LCK: variants seen among roughly 807,000 people sequenced by gnomAD.
LCK encodes LCK proto-oncogene, Src family tyrosine kinase.
Under a neutral mutation model 64.6 loss-of-function variants are expected in LCK, and 14 were observed. The observed-to-expected ratio is 0.22, with a 90% CI of 0.14 to 0.34. LCK has a LOEUF of 0.34. LCK is among the 10% of genes least tolerant of loss of function. The pLI is 1.00. For synonymous variants in LCK, 277 were observed against 263.6 expected, an observed-to-expected ratio of 1.05 and a Z score of -0.49; for missense variants, 434 against 668.1, an observed-to-expected ratio of 0.65 and a Z score of 3.86.
intron 1 of LCK, among the ~76,000 whole-genome samples, chr1:32,271,001 C>CT (rs34162389): frequency 0.065 from 8,021 of 123,334 alleles, 763 homozygotes; most frequent in African/African-American, 0.2. Flanking sequence ...CGCGCCTGGC[C>CT]TTTTTTTTTT....
chr1:32,263,290 G>A (rs1438720959), intron 1 of LCK, among the ~76,000 whole-genome samples: 2 of 151,912 alleles, frequency 1.3e-5, no homozygotes, highest in Non-Finnish European at 2.9e-5. Context: ...TACTTGGGAG[G>A]CTCAAACAGG....
rs1477683057 is a variant in LCK at position 32,274,356 on chromosome 1, G to A, written c.27G>A (p.Pro9=). The part of the protein sequence containing the change: MGCGCSSH[P]EDDWMENIDV... ...TGGGCTGTGGCTGCAGCTCACACCC[G>A]GAAGATGACTGGATGGAAAACATCG... Residue 9 remains proline, a synonymous_variant, in exon 2 of 13, where the codon CCG becomes CCA. Transcript: ENST00000336890. The A allele has an allele frequency of 6.2e-7, 1 of 1,614,118 alleles. No homozygotes were observed. The highest frequency in any genetic ancestry group is 8.5e-7 in the Non-Finnish European group (1 of 1,179,988).
intron 1 of LCK, among the ~76,000 whole-genome samples, chr1:32,255,803 T>A (rs963097252): frequency 1.9e-4 from 28 of 147,560 alleles, no homozygotes; most frequent in South Asian, 1.3e-3. Context: ...TAAATTTATT[T>A]TTTTTTTTTT....
chr1:32,281,167 AG>A (rs1295978963), intron 12 of LCK, among the ~76,000 whole-genome samples: 1 of 151,434 alleles, frequency 6.6e-6, no homozygotes, highest in African/African-American at 2.4e-5. Context: ...TGAGCCAGGG[AG>A]GCAGAGGTTG....
Position 32,251,800 on chromosome 1 carries a change from C to A in LCK, c.-6+429C>A, listed in dbSNP as rs539605223. On this transcript the variant is annotated intron_variant, in intron 1 of 12. Transcript: ENST00000336890. The surrounding 1 kb of genome is among the most constrained non-coding windows in gnomAD (Gnocchi z 4.0). ...GTGATGGCTGAGGCTGTGGCCACCC[C>A]GCCTGGAGCAGGGTGATGGACAGGC... 6.6e-6 allele frequency among the ~76,000 whole-genome samples: 1 copy of A among 152,046 alleles called. No individual in the cohort carries two copies. Among genetic ancestry groups the A allele is most frequent in the African/African-American group, 2.4e-5 (1 of 41,384 alleles).
chr1:32,266,501 CAAA>C (rs1270322683), intron 1 of LCK, among the ~76,000 whole-genome samples: 3 of 61,900 alleles, frequency 4.8e-5, no homozygotes, highest in African/African-American at 5.8e-5. Flanking sequence ...GACTCTGTCT[CAAA>C]AAAAAAAAAA....
rs575960578 is a variant in LCK, at chr1:32,265,188, A to C, written c.-5-9137A>C. ...ACAGAGTGAGACTTTGTCTCAAAAA[A>C]AAAAAAAAATGTAATCAGCGATTTA... On this transcript the variant is annotated intron_variant, in intron 1 of 12. Transcript: ENST00000336890. Among the ~76,000 whole-genome samples, 12 of 152,336 alleles carry C rather than the reference A, an allele frequency of 7.9e-5. No homozygotes were observed. In the South Asian group the frequency reaches 2.5e-3, roughly 32 times the overall value.
chr1:32,258,893 C>A (rs1639696076), intron 1 of LCK, among the ~76,000 whole-genome samples: 2 of 150,786 alleles, frequency 1.3e-5, no homozygotes. Context: ...CGTGGTGTTG[C>A]CCACCCATAG....
At chr1:32,255,796 A>ATTTT (rs1363275909) in intron 1 of LCK, among the ~76,000 whole-genome samples, 1,688 of 142,360 alleles carry the variant, frequency 0.012, 64 homozygotes, top group African/African-American at 0.043. Flanking sequence ...TACCCATTAA[A>ATTTT]TTTATTTTTT....
In LCK at chr1:32,274,343, G is replaced by A; in HGVS notation, c.14G>A (p.Cys5Tyr). ...CCCTCAGGGACCATGGGCTGTGGCT[G>A]CAGCTCACACCCGGAAGATGACTGG... is the stretch of plus-strand genomic sequence containing the variant. The part of the protein sequence containing the change: MGCG[C>Y]SSHPEDDWME... Residue 5 changes from cysteine (C) to tyrosine (Y), a missense_variant, in exon 2 of 13, where the codon TGC (cysteine) becomes TAC (tyrosine). By Grantham distance (194) the Cys-to-Tyr change is radical. Around this residue, in one of 2 missense-constraint regions of LCK, gnomAD observed 233 missense variants for 291.2 expected, o/e 0.80. Coordinates refer to ENST00000336890, the MANE Select transcript of LCK (RefSeq NM_005356.5). 6.2e-7 allele frequency: 1 copy of A among 1,614,136 alleles called. No homozygotes were observed. Among genetic ancestry groups the A allele is most frequent in the East Asian group, 2.2e-5 (1 of 44,884 alleles).
intron 12 of LCK, among the ~76,000 whole-genome samples, chr1:32,281,712 T>C (rs1463943870): frequency 1.3e-5 from 2 of 151,994 alleles, no homozygotes; most frequent in Non-Finnish European, 2.9e-5. Context: ...GCTAGATTTG[T>C]AGAAGCTTCC....
chr1:32,272,916 G>A (rs1640144287), intron 1 of LCK, among the ~76,000 whole-genome samples: 2 of 148,780 alleles, frequency 1.3e-5, no homozygotes. Context: ...GGAGGTGCCT[G>A]TGTGTGTGTA....
At chr1:32,266,039 C>T (rs756546382) in intron 1 of LCK, among the ~76,000 whole-genome samples, 39 of 152,094 alleles carry the variant, frequency 2.6e-4, no homozygotes, top group Non-Finnish European at 4.4e-4. Context: ...GGCTCACTGC[C>T]GCCTCAACCT....
chr1:32,252,648 C>T (rs988055774), intron 1 of LCK, among the ~76,000 whole-genome samples: 7 of 152,096 alleles, frequency 4.6e-5, no homozygotes, highest in Admixed American at 2.0e-4. Context: ...TGCTGACAGA[C>T]GAATCAGACA....
intron 1 of LCK, among the ~76,000 whole-genome samples, chr1:32,270,117 G>GT (rs1640035746): frequency 6.6e-6 from 1 of 151,972 alleles, no homozygotes; most frequent in Admixed American, 6.6e-5. Flanking sequence ...TCTCTCTTTT[G>GT]TTTTTTCTTT....
rs80010280 is a variant in LCK, at chr1:32,259,826, A to G, written c.-6+8455A>G. Among the ~76,000 whole-genome samples the G allele has an allele frequency of 8.7e-3, 1,319 of 151,568 alleles. 20 individuals carry two copies. Among genetic ancestry groups the G allele is most frequent in the African/African-American group, 0.03 (1,261 of 41,434 alleles). ...AGCAAGAGGGCAAGACCCTGTCTCA[A>G]AATAAAATAAAATAAAGAAAGAAAT... On this transcript the variant is annotated intron_variant, in intron 1 of 12. Coordinates refer to ENST00000336890, the MANE Select transcript of LCK (RefSeq NM_005356.5).
chr1:32,265,066 G>A (rs1027479790), intron 1 of LCK, among the ~76,000 whole-genome samples: 3 of 152,066 alleles, frequency 2.0e-5, no homozygotes, highest in Non-Finnish European at 2.9e-5. Context: ...GATTAGCTGG[G>A]CGTGGCGGCA....
Position 32,285,549 on chromosome 1 carries a change from C to T in LCK, c.1363C>T (p.Arg455Ter), listed in dbSNP as rs760600201. The change falls in exon 13 of 13, where the codon CGA becomes TGA. Residue 455 changes from arginine (R) to a stop codon, truncating the protein, a stop_gained. Transcript: ENST00000336890. LOFTEE classifies it high-confidence loss of function. The part of the protein sequence containing the change: ...TNPEVIQNLE[R>*]GYRMVRPDNC... ...CCCGGAGGTGATTCAGAACCTGGAG[C>T]GAGGCTACCGCATGGTGCGCCCTGA... 2 of 1,614,220 alleles carry T rather than the reference C, an allele frequency of 1.2e-6. No homozygotes were observed. Among genetic ancestry groups the T allele is most frequent in the Non-Finnish European group, 1.7e-6 (2 of 1,180,040 alleles).
At position 32,279,915 on chromosome 1, in the gene LCK, G is replaced by C; in HGVS notation, c.1116G>C (p.Val372=). Residue 372 remains valine, a synonymous_variant, in exon 11 of 13, where the codon GTG becomes GTC. Coordinates refer to ENST00000336890, the MANE Select transcript of LCK (RefSeq NM_005356.5). ...HRDLRAANIL[V]SDTLSCKIAD... ...ACCTTCGGGCTGCCAACATTCTGGTGTCTGACACCCTGAGCTGCAAGATTG... is the reference window on the plus strand; with the variant it reads ...ACCTTCGGGCTGCCAACATTCTGGTCTCTGACACCCTGAGCTGCAAGATTG... The C allele has an allele frequency of 1.9e-6, 3 of 1,614,216 alleles. No individual in the cohort carries two copies. The highest frequency in any genetic ancestry group is 2.5e-6 in the Non-Finnish European group (3 of 1,180,046).
Sources: gnomAD v4.1 joint callset for allele counts (sites outside exome capture counted in the v4.1 genomes callset) on GRCh38, gnomAD v4.1.1 for gene constraint, gnomAD v4.1.1 regional missense constraint, Gnocchi (gnomAD v3.1) non-coding constraint, MANE v1.5 for transcripts, NCBI Gene and HGNC (gene_info 2026-07-23, HGNC 2026-07-21) for gene names.